The following EIF2AK1 variants were observed in gnomAD, a reference collection of about 807,000 sequenced individuals.
The protein encoded by EIF2AK1 is eukaryotic translation initiation factor 2-alpha kinase 1.
Under a neutral mutation model 77.9 loss-of-function variants are expected in EIF2AK1, and 54 were observed. That is an observed-to-expected ratio of 0.69 (90% CI 0.56 to 0.87). EIF2AK1 has a LOEUF of 0.87. Among genes scored for constraint, EIF2AK1 ranks in the 40% least tolerant of loss-of-function variants. EIF2AK1 has a pLI of 0.00. For missense variants in EIF2AK1, 810 were observed against 768.6 expected (o/e 1.05, Z -0.64); for synonymous variants, 314 against 290.5 (o/e 1.08, Z -0.82).
Position 6,035,662 on chromosome 7 carries a change from AT to A in EIF2AK1, c.1332+1761del. On this transcript the variant is annotated intron_variant, in intron 11 of 14. Transcript: ENST00000199389. This position sits in a 1 kb window ranked among gnomAD's most constrained non-coding sequence, Gnocchi z 5.5. ...TCACCACTCCACCTGGCCATAGCAT[AT>A]GGTTGCTATCCAGTTCTCTCCATTT... The A allele has an allele frequency of 6.4e-7, 1 of 1,550,720 alleles. No homozygotes were observed. Among genetic ancestry groups the A allele is most frequent in the Non-Finnish European group, 8.7e-7 (1 of 1,147,052 alleles).
rs565117514 is a variant in EIF2AK1, at chr7:6,035,934, G to A, written c.1332+1490C>T. 5 of 1,547,682 alleles carry A rather than the reference G, an allele frequency of 3.2e-6. No homozygotes were observed. The highest frequency in any genetic ancestry group is 2.0e-5 in the Admixed American group (1 of 50,844). ...CATCCGTCTGCTACTCACTCACGGAGCCAAAGTCAACGCCCAGGACTACAA... is the reference window on the plus strand; with the variant it reads ...CATCCGTCTGCTACTCACTCACGGAACCAAAGTCAACGCCCAGGACTACAA... On this transcript the variant is annotated intron_variant, in intron 11 of 14. Coordinates refer to ENST00000199389, the MANE Select transcript of EIF2AK1 (RefSeq NM_014413.4). The surrounding 1 kb of genome is among the most constrained non-coding windows in gnomAD (Gnocchi z 5.5).
chr7:6,048,095 T>C (rs1441849049), intron 4 of EIF2AK1: 2 of 152,206 alleles, frequency 1.3e-5, no homozygotes, highest in Non-Finnish European at 2.9e-5. Flanking sequence ...CAAGATATAA[T>C]TCACATACTG....
chr7:6,037,982 C>T (rs1202082579), intron 10 of EIF2AK1, among the ~76,000 whole-genome samples: 2 of 152,004 alleles, frequency 1.3e-5, no homozygotes, highest in South Asian at 2.1e-4. Flanking sequence ...ATGTTAGCTC[C>T]AGGAATATGA....
At chr7:6,029,592 G>C (rs893015859) in intron 11 of EIF2AK1, among the ~76,000 whole-genome samples, 3 of 152,090 alleles carry the variant, frequency 2.0e-5, no homozygotes, top group Non-Finnish European at 4.4e-5. Context: ...AAGTCCCAAG[G>C]CTATTCTAAA....
At chr7:6,028,569 A>G (rs1319023821) in intron 13 of EIF2AK1, 46 bp downstream of exon 13, 3 of 1,582,476 alleles carry the variant, frequency 1.9e-6, no homozygotes, top group Non-Finnish European at 1.7e-6. Flanking sequence ...GTTATTTAAG[A>G]CTGCAGAATA....
chr7:6,030,986 T>A (rs1252014728), intron 11 of EIF2AK1, among the ~76,000 whole-genome samples: 1 of 152,126 alleles, frequency 6.6e-6, no homozygotes, highest in East Asian at 1.9e-4. Context: ...TAATAAAAAC[T>A]AAAAAATAAC....
At chr7:6,034,612 C>G (rs909606067) in intron 11 of EIF2AK1, among the ~76,000 whole-genome samples, 2 of 152,186 alleles carry the variant, frequency 1.3e-5, no homozygotes, top group Admixed American at 6.5e-5. Flanking sequence ...GACTATAAGC[C>G]CTACAAAGGT....
chr7:6,028,452 AT>A (rs1411633889), intron 13 of EIF2AK1, among the ~76,000 whole-genome samples, 162 bp downstream of exon 13: 3 of 152,342 alleles, frequency 2.0e-5, no homozygotes, highest in Non-Finnish European at 2.9e-5. Context: ...AGGTTTCACC[AT>A]GTTGACCAGG....
In EIF2AK1 at chr7:6,058,993, C is replaced by T. The variant is rs1329655438; in HGVS notation, c.91G>A (p.Ala31Thr). 1.9e-6 allele frequency: 3 copies of T among 1,541,188 alleles called. No homozygotes were observed. Among genetic ancestry groups the T allele is most frequent in the Middle Eastern group, 1.7e-4 (1 of 5,922 alleles). ...TCATATTCGGGGTCCGGGCCCTCGG[C>T]GGGAAAGTCGATGGCCGGCGGCGCA... The part of the protein sequence containing the change: ...VAAPPAIDFP[A>T]EGPDPEYDES... Residue 31 changes from alanine (A) to threonine (T), a missense_variant, in exon 1 of 15, where the codon GCC (alanine) becomes ACC (threonine). Ala to Thr is a moderately conservative substitution (Grantham distance 58). Coordinates refer to ENST00000199389, the MANE Select transcript of EIF2AK1 (RefSeq NM_014413.4).
chr7:6,026,855 G>A lies in EIF2AK1; in HGVS notation c.1637C>T (p.Pro546Leu), dbSNP rs748922084. 3.9e-5 allele frequency: 63 copies of A among 1,614,018 alleles called. 1 individual carries two copies. In the South Asian group the frequency reaches 4.0e-4, roughly 10 times the overall value. Residue 546 changes from proline (P) to leucine (L), a missense_variant, in exon 14 of 15, where the codon CCG becomes CTG. Physicochemically the swap from Pro to Leu is moderately conservative, Grantham distance 98. Coordinates refer to ENST00000199389, the MANE Select transcript of EIF2AK1 (RefSeq NM_014413.4). ...VLTGLRTGQL[P>L]ESLRKRCPVQ... Reference sequence around the variant, plus strand: ...TGGACACCTTTTACGGAGGGATTCCGGCAACTGACCAGTTCTTAAACCTGT... The same window carrying A: ...TGGACACCTTTTACGGAGGGATTCCAGCAACTGACCAGTTCTTAAACCTGT...
intron 2 of EIF2AK1, among the ~76,000 whole-genome samples, chr7:6,051,671 G>A (rs917529140): frequency 1.3e-5 from 2 of 151,348 alleles, no homozygotes; most frequent in African/African-American, 4.9e-5. Context: ...CTCGTGACCC[G>A]CCCACCTCAG....
At chr7:6,034,812 A>C (rs1271774077) in intron 11 of EIF2AK1, among the ~76,000 whole-genome samples, 1 of 152,248 alleles carries the variant, frequency 6.6e-6, no homozygotes, top group Non-Finnish European at 1.5e-5. Context: ...TAAAATGCCC[A>C]TTCCACCTGG....
Position 6,032,206 on chromosome 7 carries a change from T to C in EIF2AK1, c.1333-3174A>G, listed in dbSNP as rs1009735495. On this transcript the variant is annotated intron_variant, in intron 11 of 14. Transcript: ENST00000199389. This position sits in a 1 kb window ranked among gnomAD's most constrained non-coding sequence, Gnocchi z 4.3. ...AACAAACAAAAAATAGTTTTTCCCT[T>C]TTTAATATATACATTTTCATTTTCT... 4.6e-5 allele frequency among the ~76,000 whole-genome samples: 7 copies of C among 152,282 alleles called. No homozygotes were observed. The highest frequency in any genetic ancestry group is 1.4e-4 in the African/African-American group (6 of 41,562).
rs761038678 is a variant in EIF2AK1, at chr7:6,058,986, C to T, written c.98G>A (p.Gly33Asp). ...CTCACCGTCATATTCGGGGTCCGGG[C>T]CCTCGGCGGGAAAGTCGATGGCCGG... ...APPAIDFPAEGPDPEYDESDV... is the reference protein window; with the variant it reads ...APPAIDFPAEDPDPEYDESDV... Residue 33 changes from glycine to aspartate, a missense_variant, in exon 1 of 15, where the codon GGC (glycine) becomes GAC (aspartate). Physicochemically the swap from Gly to Asp is moderately conservative, Grantham distance 94 (BLOSUM62 -1). Around this residue, in one of 3 missense-constraint regions of EIF2AK1, gnomAD observed 246 missense variants for 199.0 expected, o/e 1.24. Transcript: ENST00000199389. 2.6e-6 allele frequency: 4 copies of T among 1,541,946 alleles called. No homozygotes were observed. In the African/African-American group the frequency reaches 4.3e-5, roughly 16 times the overall value.
chr7:6,031,142 T>G (rs1167372114), intron 11 of EIF2AK1, among the ~76,000 whole-genome samples: 1 of 152,212 alleles, frequency 6.6e-6, no homozygotes, highest in African/African-American at 2.4e-5. Context: ...GATGATAGCT[T>G]GAATATGTTT....
chr7:6,032,738 G>A lies in EIF2AK1; in HGVS notation c.1333-3706C>T. On this transcript the variant is annotated intron_variant, in intron 11 of 14. Coordinates refer to ENST00000199389, the MANE Select transcript of EIF2AK1 (RefSeq NM_014413.4). This position sits in a 1 kb window ranked among gnomAD's most constrained non-coding sequence, Gnocchi z 4.3. ...TACCAGAAAAAGAGTGAGCCAATGA[G>A]ACACTAAATAAATGTATTGCCTTTG... The A allele has an allele frequency of 1.1e-6, 1 of 907,578 alleles. No individual in the cohort carries two copies. The highest frequency in any genetic ancestry group is 1.7e-6 in the Non-Finnish European group (1 of 591,884). 56.2% of individuals were successfully genotyped at this position (907,578 alleles called of 1,614,324 possible).
intron 1 of EIF2AK1, chr7:6,058,207 C>G (rs1370434157): frequency 2.2e-6 from 1 of 453,140 alleles, no homozygotes; most frequent in East Asian, 7.0e-5. Flanking sequence ...GCCAGGCGTT[C>G]GAGACCAGCC....
chr7:6,038,745 A>C (rs2302331), intron 9 of EIF2AK1, 74 bp from the exon 10 acceptor site: 763,778 of 1,289,048 alleles, frequency 0.59, 228,739 homozygotes, highest in African/African-American at 0.72. Flanking sequence ...AACAAATATT[A>C]ATCTGCCTAT....
intron 8 of EIF2AK1, among the ~76,000 whole-genome samples, chr7:6,041,840 A>T (rs550542258): frequency 5.3e-5 from 1 of 18,780 alleles, no homozygotes; most frequent in Non-Finnish European, 1.3e-4. Context: ...GACTCCATCT[A>T]AAAAAAAAAA....
Sources: gnomAD v4.1 joint callset for allele counts (sites outside exome capture counted in the v4.1 genomes callset) on GRCh38, gnomAD v4.1.1 for gene constraint, gnomAD v4.1.1 regional missense constraint, Gnocchi (gnomAD v3.1) non-coding constraint, MANE v1.5 for transcripts, NCBI Gene and HGNC (gene_info 2026-07-23, HGNC 2026-07-21) for gene names.